The following AGBL1 variants were observed in gnomAD, a reference collection of about 807,000 sequenced individuals.
The protein encoded by AGBL1 is AGBL carboxypeptidase 1, also known as cytosolic carboxypeptidase 4.
AGBL1 carries 130 observed loss-of-function variants against 118.9 expected under a neutral mutation model. The ratio of observed to expected loss-of-function variants is 1.09; its 90% CI spans 0.95 to 1.26. The LOEUF (loss-of-function observed/expected upper bound fraction) is 1.26, where lower values mean the gene tolerates loss of function less well. AGBL1 is among the 50% of genes most tolerant of loss of function. AGBL1 has a pLI of 0.00. For synonymous variants in AGBL1, 555 were observed against 478.9 expected, an observed-to-expected ratio of 1.16 and a Z score of -2.08; for missense variants, 1,584 against 1,298.1, an observed-to-expected ratio of 1.22 and a Z score of -3.38.
At chr15:86,302,512 C>T (rs989347993) in intron 17 of AGBL1, among the ~76,000 whole-genome samples, 8 of 151,942 alleles carry the variant, frequency 5.3e-5, no homozygotes, top group Non-Finnish European at 1.0e-4. Flanking sequence ...TGTGGTGGCT[C>T]ATGCCTGTAA....
At chr15:86,199,257 T>G (rs958779794) in intron 5 of AGBL1, among the ~76,000 whole-genome samples, 1 of 152,234 alleles carries the variant, frequency 6.6e-6, no homozygotes, top group African/African-American at 2.4e-5. Flanking sequence ...CACTTCAGTA[T>G]GGGAGAATGT....
At chr15:86,449,231 G>A (rs996676563) in intron 18 of AGBL1, among the ~76,000 whole-genome samples, 18 of 152,296 alleles carry the variant, frequency 1.2e-4, no homozygotes, top group African/African-American at 4.3e-4. Flanking sequence ...AACTGTGCCT[G>A]TTTACTAAGT....
chr15:86,560,370 A>G (rs548618721), intron 21 of AGBL1, among the ~76,000 whole-genome samples: 116 of 140,896 alleles, frequency 8.2e-4, no homozygotes, highest in African/African-American at 3.0e-3. Flanking sequence ...ATTCCCATCT[A>G]TGAGTGAGAA....
intron 8 of AGBL1, 135 bp from the exon 9 acceptor site, chr15:86,257,829 G>T: frequency 1.3e-6 from 1 of 764,724 alleles, no homozygotes. Context: ...GTGTGTGGTG[G>T]GATATTGTGC....
intron 1 of AGBL1, among the ~76,000 whole-genome samples, chr15:86,100,024 AG>A (rs1382764084): frequency 2.0e-5 from 3 of 150,984 alleles, no homozygotes; most frequent in Non-Finnish European, 3.0e-5. Flanking sequence ...ATTTTTTGAG[AG>A]GTTTTTTTTT....
intron 21 of AGBL1, among the ~76,000 whole-genome samples, chr15:86,565,473 C>A (rs55667291): frequency 7.7e-4 from 118 of 152,320 alleles, no homozygotes; most frequent in African/African-American, 2.6e-3. Flanking sequence ...AATGTTGCTG[C>A]CTGATCGTTC....
chr15:86,692,008 T>C (rs1156458046), intron 22 of AGBL1, among the ~76,000 whole-genome samples: 2 of 151,998 alleles, frequency 1.3e-5, no homozygotes, highest in South Asian at 2.1e-4. Context: ...ATTTGAGGCT[T>C]GTCCCTCTCT....
intron 18 of AGBL1, among the ~76,000 whole-genome samples, chr15:86,494,082 G>A (rs1182620065): frequency 6.6e-6 from 1 of 152,026 alleles, no homozygotes; most frequent in Non-Finnish European, 1.5e-5. Context: ...TCCTTGTGAC[G>A]TTGGAGCATG....
chr15:86,631,670 G>C (rs949853906), intron 21 of AGBL1, among the ~76,000 whole-genome samples: 5 of 152,184 alleles, frequency 3.3e-5, no homozygotes, highest in Admixed American at 1.3e-4. Context: ...CACACTCCCT[G>C]ATGGGAGGTG....
At chr15:86,694,033 C>T (rs534760271) in intron 22 of AGBL1, among the ~76,000 whole-genome samples, 1 of 152,182 alleles carries the variant, frequency 6.6e-6, no homozygotes, top group South Asian at 2.1e-4. Context: ...TAATGTGATG[C>T]TTCCAGATGT....
chr15:86,813,590 C>G (rs2078821577), intron 22 of AGBL1, among the ~76,000 whole-genome samples: 1 of 152,100 alleles, frequency 6.6e-6, no homozygotes, highest in African/African-American at 2.4e-5. Context: ...CCCTTCATCT[C>G]TCTCAGGCCA....
intron 5 of AGBL1, among the ~76,000 whole-genome samples, chr15:86,209,502 C>T (rs556353655): frequency 6.6e-6 from 1 of 152,052 alleles, no homozygotes; most frequent in Non-Finnish European, 1.5e-5. Context: ...GGGTGCTCCT[C>T]TATTGGGTGC....
At chr15:86,752,850 A>G (rs1166575645) in intron 22 of AGBL1, among the ~76,000 whole-genome samples, 3 of 152,098 alleles carry the variant, frequency 2.0e-5, no homozygotes, top group East Asian at 1.9e-4. Context: ...CATTTTCTGA[A>G]CCAAAAATCA....
intron 22 of AGBL1, among the ~76,000 whole-genome samples, chr15:86,889,481 G>A (rs889604573): frequency 5.3e-5 from 8 of 151,986 alleles, no homozygotes; most frequent in East Asian, 1.9e-4. Flanking sequence ...TGCACAGATC[G>A]ACCTATCACC....
chr15:86,355,602 T>C (rs1240073966), intron 17 of AGBL1, among the ~76,000 whole-genome samples: 1 of 152,226 alleles, frequency 6.6e-6, no homozygotes, highest in Non-Finnish European at 1.5e-5. Flanking sequence ...ATTATATGTA[T>C]GTATCTGTGT....
chr15:86,870,813 A>G (rs1372749748), intron 22 of AGBL1, among the ~76,000 whole-genome samples: 6 of 152,210 alleles, frequency 3.9e-5, no homozygotes, highest in African/African-American at 7.2e-5. Flanking sequence ...ATATGTACTG[A>G]GATTACTATT....
chr15:86,259,807 C>T (rs559928014), intron 9 of AGBL1, among the ~76,000 whole-genome samples: 44 of 152,220 alleles, frequency 2.9e-4, no homozygotes, highest in Non-Finnish European at 5.3e-4. Flanking sequence ...CTTGCTTGCT[C>T]TTTGATAACT....
intron 5 of AGBL1, among the ~76,000 whole-genome samples, chr15:86,208,764 A>G (rs1273720412): frequency 6.6e-6 from 1 of 152,180 alleles, no homozygotes; most frequent in Non-Finnish European, 1.5e-5. Context: ...TGTTTTCAAA[A>G]AAACAGCTCC....
chr15:86,626,668 G>T (rs1340877140), intron 21 of AGBL1, among the ~76,000 whole-genome samples: 1 of 151,860 alleles, frequency 6.6e-6, no homozygotes, highest in Non-Finnish European at 1.5e-5. Flanking sequence ...TTTTTTTTAA[G>T]AAAAGAAAGG....
Sources: gnomAD v4.1 joint callset for allele counts (sites outside exome capture counted in the v4.1 genomes callset) on GRCh38, gnomAD v4.1.1 for gene constraint, MANE v1.5 for transcripts, NCBI Gene and HGNC (gene_info 2026-07-23, HGNC 2026-07-21) for gene names.